The following SNCAIP variants were observed in gnomAD, a reference collection of about 807,000 sequenced individuals.
SNCAIP encodes the protein synuclein alpha interacting protein, also known as synphilin-1.
In SNCAIP, 43 loss-of-function variants were observed where a neutral mutation model predicts 86.7. The ratio of observed to expected loss-of-function variants is 0.50; its 90% CI spans 0.39 to 0.64. The LOEUF (loss-of-function observed/expected upper bound fraction) is 0.64, where lower values mean the gene tolerates loss of function less well. SNCAIP is among the 30% of genes least tolerant of loss of function. The probability of loss-of-function intolerance (pLI) is 0.00; values close to 1 mark genes in which losing one functional copy is unlikely to be tolerated. For missense variants in SNCAIP, 981 were observed against 1,103.1 expected, an observed-to-expected ratio of 0.89 and a Z score of 1.57; for synonymous variants, 417 against 427.2, an observed-to-expected ratio of 0.98 and a Z score of 0.29.
rs199773565 is a variant in SNCAIP at position 122,320,048 on chromosome 5, TTCAGCTTC to T, written c.-47+7767_-47+7774del. Reference sequence around the variant, plus strand: ...CTGTTGGTCCTGACTTCCCTCAGCCTTCAGCTTCTCTTGTTAAAAGTAAGTTAAGTGGC... The same window carrying T: ...CTGTTGGTCCTGACTTCCCTCAGCCTTCTTGTTAAAAGTAAGTTAAGTGGC... On this transcript the variant is annotated intron_variant, in intron 1 of 10. Transcript: ENST00000261368. Among the ~76,000 whole-genome samples, 266 of 152,352 alleles carry T rather than the reference TTCAGCTTC, an allele frequency of 1.7e-3. 3 individuals are homozygous for T. Among genetic ancestry groups the T allele is most frequent in the African/African-American group, 6.1e-3 (254 of 41,588 alleles).
At chr5:122,379,827 TA>T (rs1406698502) in intron 1 of SNCAIP, among the ~76,000 whole-genome samples, 2 of 150,094 alleles carry the variant, frequency 1.3e-5, no homozygotes, top group Non-Finnish European at 3.0e-5. Context: ...GCTCTGTTTA[TA>T]TGCTGGATTA....
chr5:122,319,725 T>G (rs186714157), intron 1 of SNCAIP, among the ~76,000 whole-genome samples: 1 of 152,224 alleles, frequency 6.6e-6, no homozygotes, highest in East Asian at 1.9e-4. Context: ...AGAAGGAAGA[T>G]ATTAGCCATT....
rs146743890 is a variant in SNCAIP at position 122,410,589 on chromosome 5, G to A, written c.130+6724G>A. ...TGTAATCCCGGCACTTTGGGAGACC[G>A]AGGCAGGTGGATCATTTGAGTTCAG... On this transcript the variant is annotated intron_variant, in intron 3 of 10. Transcript: ENST00000261368. 7.9e-5 allele frequency among the ~76,000 whole-genome samples: 12 copies of A among 152,286 alleles called. No homozygotes were observed. In the South Asian group the frequency reaches 8.3e-4, roughly 11 times the overall value.
intron 1 of SNCAIP, chr5:122,323,265 TG>T (rs1328497517): frequency 6.6e-6 from 1 of 152,224 alleles, no homozygotes; most frequent in African/African-American, 2.4e-5. Context: ...GCAGTACTGT[TG>T]TGCACTAAAA....
intron 1 of SNCAIP, among the ~76,000 whole-genome samples, chr5:122,327,295 G>A (rs535607639): frequency 8.5e-5 from 13 of 152,124 alleles, no homozygotes; most frequent in African/African-American, 3.1e-4. Context: ...ACCTTCCTTG[G>A]CTGCTTGCCA....
intron 1 of SNCAIP, among the ~76,000 whole-genome samples, chr5:122,370,373 ATTTC>A (rs1402494034): frequency 1.5e-4 from 22 of 151,524 alleles, no homozygotes; most frequent in African/African-American, 5.1e-4. Context: ...TATATTTTAT[ATTTC>A]TTATACATGT....
At chr5:122,438,292 G>A (rs1779992271) in intron 6 of SNCAIP, among the ~76,000 whole-genome samples, 1 of 152,146 alleles carries the variant, frequency 6.6e-6, no homozygotes, top group Non-Finnish European at 1.5e-5. Context: ...GGGTACTCCA[G>A]TTTCTCCTCA....
chr5:122,453,897 TCA>T (rs1784214232), intron 10 of SNCAIP, among the ~76,000 whole-genome samples: 1 of 151,852 alleles, frequency 6.6e-6, no homozygotes, highest in Non-Finnish European at 1.5e-5. Context: ...GTAGCTGGGA[TCA>T]CAGGCCTGTG....
intron 8 of SNCAIP, among the ~76,000 whole-genome samples, chr5:122,448,817 C>A (rs1337358118): frequency 6.7e-6 from 1 of 149,112 alleles, no homozygotes; most frequent in African/African-American, 2.5e-5. Flanking sequence ...GAGATCGAGA[C>A]CATCCCGACT....
chr5:122,408,908 G>A (rs1012033180), intron 3 of SNCAIP, among the ~76,000 whole-genome samples: 1 of 152,202 alleles, frequency 6.6e-6, no homozygotes, highest in Non-Finnish European at 1.5e-5. Context: ...GGAAACTGAG[G>A]CTCACAGAGG....
At chr5:122,432,973 G>A (rs1327455310) in intron 6 of SNCAIP, among the ~76,000 whole-genome samples, 1 of 152,006 alleles carries the variant, frequency 6.6e-6, no homozygotes, top group African/African-American at 2.4e-5. Context: ...AGTAAACTGT[G>A]GCGTTGTCAA....
chr5:122,418,953 G>A (rs1775844086), intron 3 of SNCAIP, among the ~76,000 whole-genome samples: 1 of 152,138 alleles, frequency 6.6e-6, no homozygotes, highest in Non-Finnish European at 1.5e-5. Flanking sequence ...GTGTGGTCCA[G>A]CCAGTTTAGT....
Position 122,440,720 on chromosome 5 carries a change from T to C in SNCAIP, c.1388T>C (p.Val463Ala). ...CAGGATGGCAACAGTGCCGTTCACG[T>C]AGCCTCACAGCATGGCTACCTTGGA... is the stretch of plus-strand genomic sequence containing the variant. ...VDQDGNSAVH[V>A]ASQHGYLGCI... Residue 463 changes from valine (V) to alanine (A), a missense_variant, in exon 7 of 11, where the codon GTA becomes GCA. By Grantham distance (64) the Val-to-Ala change is moderately conservative (BLOSUM62 0). Coordinates refer to ENST00000261368, the MANE Select transcript of SNCAIP (RefSeq NM_005460.4). 6.2e-7 allele frequency: 1 copy of C among 1,614,104 alleles called. No individual in the cohort carries two copies. Among genetic ancestry groups the C allele is most frequent in the Non-Finnish European group, 8.5e-7 (1 of 1,179,944 alleles).
At chr5:122,354,877 A>C (rs1449475992) in intron 1 of SNCAIP, among the ~76,000 whole-genome samples, 1 of 152,158 alleles carries the variant, frequency 6.6e-6, no homozygotes, top group African/African-American at 2.4e-5. Flanking sequence ...AAAACCAACA[A>C]TATTAATTTC....
intron 6 of SNCAIP, among the ~76,000 whole-genome samples, chr5:122,434,132 C>T (rs889111960): frequency 2.0e-5 from 3 of 152,152 alleles, no homozygotes; most frequent in Admixed American, 2.0e-4. Context: ...GTTCATCTTC[C>T]TAATCATTTT....
intron 2 of SNCAIP, among the ~76,000 whole-genome samples, chr5:122,394,557 C>G (rs527310139): frequency 1.3e-5 from 2 of 152,298 alleles, no homozygotes; most frequent in East Asian, 3.9e-4. Flanking sequence ...CACATAAGCA[C>G]AAAGGTTTAA....
In SNCAIP at chr5:122,453,073, T is replaced by G. The variant is rs550459771; in HGVS notation, c.2754+1472T>G. 57 of 858,904 alleles carry G rather than the reference T, an allele frequency of 6.6e-5. No homozygotes were observed. The African/African-American group carries it at 8.8e-4, about 13-fold the overall frequency. 53.2% of individuals were successfully genotyped at this position (858,904 alleles called of 1,614,324 possible). A position where few individuals can be genotyped will look rare whatever the true frequency, so the allele number is the denominator to read the frequency against. On this transcript the variant is annotated intron_variant, in intron 10 of 10. Coordinates refer to ENST00000261368, the MANE Select transcript of SNCAIP (RefSeq NM_005460.4). ...TTGCATGAGCTTTTAAATCATGGAC[T>G]TGGAGCACCTTTCATCAGGGGATAA...
At chr5:122,335,131 T>C (rs1756176720) in intron 1 of SNCAIP, among the ~76,000 whole-genome samples, 1 of 152,196 alleles carries the variant, frequency 6.6e-6, no homozygotes, top group Non-Finnish European at 1.5e-5. Context: ...GACTAAAATA[T>C]CTTATTTTAA....
rs1483556828 is a variant in SNCAIP at position 122,451,132 on chromosome 5, A to C, written c.2285A>C (p.Gln762Pro). Residue 762 changes from glutamine (Q) to proline (P), a missense_variant, in exon 10 of 11, where the codon CAG (glutamine) becomes CCG (proline). Coordinates refer to ENST00000261368, the MANE Select transcript of SNCAIP (RefSeq NM_005460.4). The stretch of plus-strand genomic sequence containing the variant: ...AGCAGCGAACCAGACTTAGAATCCC[A>C]GTATCCAGGCTCAGGGAGTATTCCT... ...SESSEPDLES[Q>P]YPGSGSIPPN... The C allele has an allele frequency of 3.1e-6, 5 of 1,614,008 alleles. No homozygotes were observed. The highest frequency in any genetic ancestry group is 1.3e-5 in the African/African-American group (1 of 74,914).
Sources: allele counts gnomAD v4.1 joint callset (sites outside exome capture counted in the v4.1 genomes callset), GRCh38; gene constraint gnomAD v4.1.1; transcripts MANE v1.5; gene names NCBI Gene and HGNC (gene_info 2026-07-23, HGNC 2026-07-21).